JAM2: variants seen among roughly 807,000 people sequenced by gnomAD.
JAM2 encodes the protein junctional adhesion molecule B.
A neutral mutation model predicts 42.0 loss-of-function variants in JAM2; 17 were observed. The observed-to-expected ratio is 0.40, with a 90% CI of 0.28 to 0.61. The LOEUF (loss-of-function observed/expected upper bound fraction) is 0.61, where lower values mean the gene tolerates loss of function less well. Among genes scored for constraint, JAM2 ranks in the 20% least tolerant of loss-of-function variants. The pLI, the probability that JAM2 is intolerant of heterozygous loss-of-function variation, is 0.37. For missense variants in JAM2, 319 were observed against 358.3 expected (o/e 0.89, Z 0.89); for synonymous variants, 118 against 128.6 (o/e 0.92, Z 0.56).
intron 4 of JAM2, among the ~76,000 whole-genome samples, chr21:25,697,311 A>G (rs1261600971): frequency 2.6e-5 from 4 of 152,202 alleles, no homozygotes; most frequent in African/African-American, 9.7e-5. Context: ...TTTCTACTAC[A>G]GTACCTAGAT....
chr21:25,654,386 C>T (rs1294891930), intron 1 of JAM2, among the ~76,000 whole-genome samples: 2 of 152,092 alleles, frequency 1.3e-5, no homozygotes, highest in African/African-American at 4.8e-5. Context: ...CTGTGGCTCA[C>T]GCCTGTAATC....
At chr21:25,699,350 G>C (rs1224829441) in intron 5 of JAM2, among the ~76,000 whole-genome samples, 1 of 152,136 alleles carries the variant, frequency 6.6e-6, no homozygotes. Flanking sequence ...TTACCAGGGA[G>C]GCCTTCATTT....
At chr21:25,661,726 A>T (rs577995909) in intron 1 of JAM2, among the ~76,000 whole-genome samples, 1 of 152,094 alleles carries the variant, frequency 6.6e-6, no homozygotes, top group Admixed American at 6.5e-5. Context: ...TGAGGGTCTG[A>T]TAGTGTTAAG....
At chr21:25,690,642 T>C (rs1216888670) in intron 3 of JAM2, among the ~76,000 whole-genome samples, 2 of 152,152 alleles carry the variant, frequency 1.3e-5, no homozygotes, top group African/African-American at 4.8e-5. Flanking sequence ...GCCACTTGCC[T>C]GGCTATAGAT....
chr21:25,641,133 C>A (rs2032427456), intron 1 of JAM2, among the ~76,000 whole-genome samples: 1 of 152,120 alleles, frequency 6.6e-6, no homozygotes, highest in African/African-American at 2.4e-5. Flanking sequence ...TCTGAAATAT[C>A]AATTGGTATC....
chr21:25,640,841 C>T (rs989271357), intron 1 of JAM2, among the ~76,000 whole-genome samples: 2 of 151,276 alleles, frequency 1.3e-5, no homozygotes, highest in Non-Finnish European at 2.9e-5. Context: ...TTCTGTCTCT[C>T]TTTCTTTCTT....
chr21:25,697,039 C>G (rs1421954093), intron 4 of JAM2, among the ~76,000 whole-genome samples: 8 of 139,688 alleles, frequency 5.7e-5, no homozygotes, highest in Non-Finnish European at 1.2e-4. Context: ...GAGACATGAT[C>G]TCACTATGTT....
intron 9 of JAM2, chr21:25,714,405 G>A: frequency 4.4e-6 from 2 of 449,724 alleles, no homozygotes; most frequent in Non-Finnish European, 7.8e-6. Flanking sequence ...TTGGGAGACA[G>A]GAGAATCACT....
chr21:25,642,280 C>T (rs2032467951), intron 1 of JAM2, among the ~76,000 whole-genome samples: 1 of 152,096 alleles, frequency 6.6e-6, no homozygotes. Flanking sequence ...TGGAGCTCTT[C>T]TGCATGGGAG....
At chr21:25,692,139 G>C (rs2033897214) in intron 3 of JAM2, 1 of 153,442 alleles carries the variant, frequency 6.5e-6, no homozygotes. Context: ...AGATGGGGTG[G>C]GAGCACTGGG....
intron 4 of JAM2, among the ~76,000 whole-genome samples, chr21:25,694,599 G>A (rs1034016308): frequency 3.9e-5 from 6 of 152,130 alleles, no homozygotes; most frequent in Non-Finnish European, 7.3e-5. Flanking sequence ...GGAGGTTGAA[G>A]TGAGAGGATC....
intron 8 of JAM2, chr21:25,710,007 C>CT (rs2034350199): frequency 6.6e-6 from 1 of 152,344 alleles, no homozygotes; most frequent in Non-Finnish European, 1.5e-5. Context: ...TATCCAGACT[C>CT]TATCAACATC....
At chr21:25,651,612 G>A (rs982638296) in intron 1 of JAM2, among the ~76,000 whole-genome samples, 9 of 152,152 alleles carry the variant, frequency 5.9e-5, no homozygotes, top group South Asian at 4.1e-4. Context: ...CATCAACCCC[G>A]TTACTGGGAA....
intron 1 of JAM2, among the ~76,000 whole-genome samples, chr21:25,666,171 T>C (rs2033214839): frequency 6.6e-6 from 1 of 152,092 alleles, no homozygotes; most frequent in African/African-American, 2.4e-5. Context: ...ATCACAATGC[T>C]ATTTTCAATT....
chr21:25,703,633 T>A (rs1417361554), intron 6 of JAM2, among the ~76,000 whole-genome samples: 3 of 152,116 alleles, frequency 2.0e-5, no homozygotes. Flanking sequence ...AAGTAAAGCA[T>A]GGATTTGTTG....
At chr21:25,645,330 G>T (rs576951248) in intron 1 of JAM2, among the ~76,000 whole-genome samples, 60 of 152,322 alleles carry the variant, frequency 3.9e-4, no homozygotes, top group Non-Finnish European at 6.5e-4. Context: ...ATCAGTGTTG[G>T]TGATAATCCC....
intron 9 of JAM2, among the ~76,000 whole-genome samples, chr21:25,713,359 G>A (rs1568922792): frequency 6.6e-6 from 1 of 152,148 alleles, no homozygotes; most frequent in Non-Finnish European, 1.5e-5. Context: ...AAATACCATT[G>A]TTACTCAGAT....
chr21:25,672,691 G>A (rs551075853), intron 1 of JAM2, among the ~76,000 whole-genome samples: 18 of 152,226 alleles, frequency 1.2e-4, no homozygotes, highest in African/African-American at 4.1e-4. Flanking sequence ...GTAGAGGTGC[G>A]CCTATACACA....
At chr21:25,698,598 A>C (rs2034090805) in intron 4 of JAM2, 79 bp from the exon 5 acceptor site, 3 of 1,249,382 alleles carry the variant, frequency 2.4e-6, no homozygotes, top group East Asian at 5.0e-5. Flanking sequence ...TTGTAGAGAC[A>C]AAGTCAACAG....
Sources: gnomAD v4.1 joint callset for allele counts (sites outside exome capture counted in the v4.1 genomes callset) on GRCh38, gnomAD v4.1.1 for gene constraint, MANE v1.5 for transcripts, NCBI Gene and HGNC (gene_info 2026-07-23, HGNC 2026-07-21) for gene names.